Variants in THADA observed in about 807,000 individuals in gnomAD.
The protein encoded by THADA is tRNA (32-2'-O)-methyltransferase regulator THADA.
Under a neutral mutation model 219.8 loss-of-function variants are expected in THADA, and 213 were observed. The observed-to-expected ratio is 0.97, with a 90% CI of 0.87 to 1.09. THADA has a LOEUF of 1.09. THADA is among the 50% of genes least tolerant of loss of function. THADA has a pLI of 0.00. For missense variants in THADA, 2,956 were observed against 2,311.3 expected (o/e 1.28, Z -5.72); for synonymous variants, 1,018 against 828.9 (o/e 1.23, Z -3.92).
chr2:43,235,061 C>A (rs1276116139), intron 36 of THADA, among the ~76,000 whole-genome samples: 2 of 151,772 alleles, frequency 1.3e-5, no homozygotes, highest in Non-Finnish European at 2.9e-5. Context: ...CTCACTGCAA[C>A]CTCCACCTCC....
chr2:43,257,159 A>G (rs111831896), intron 36 of THADA, among the ~76,000 whole-genome samples: 240 of 152,340 alleles, frequency 1.6e-3, no homozygotes, highest in Middle Eastern at 6.8e-3. Context: ...GAAAACAGAC[A>G]TCAGAGTCCT....
At position 43,294,324 on chromosome 2, in the gene THADA, C is replaced by T. The variant is rs1213348683; in HGVS notation, c.4439-1111G>A. 2.0e-5 allele frequency among the ~76,000 whole-genome samples: 3 copies of T among 152,310 alleles called. No individual in the cohort carries two copies. In the East Asian group the frequency reaches 5.8e-4, roughly 29 times the overall value. On this transcript the variant is annotated intron_variant, in intron 31 of 37. Coordinates refer to ENST00000405975, the MANE Select transcript of THADA (RefSeq NM_022065.5). Reference sequence around the variant, plus strand: ...AGTTTGAGAAAGAGAAATGCATGAACACATAATTCCAATATAGTGGTACAA... The same window carrying T: ...AGTTTGAGAAAGAGAAATGCATGAATACATAATTCCAATATAGTGGTACAA...
At chr2:43,272,845 T>C (rs904627671) in intron 36 of THADA, among the ~76,000 whole-genome samples, 1 of 151,986 alleles carries the variant, frequency 6.6e-6, no homozygotes, top group Non-Finnish European at 1.5e-5. Context: ...AGGCTGGGTT[T>C]GAACTCCTGG....
chr2:43,299,108 T>C (rs1675945670), intron 31 of THADA, among the ~76,000 whole-genome samples: 1 of 152,100 alleles, frequency 6.6e-6, no homozygotes, highest in Non-Finnish European at 1.5e-5. Flanking sequence ...ATAAGGTATG[T>C]ATGAAACATA....
chr2:43,264,152 A>T (rs1323306990), intron 36 of THADA, among the ~76,000 whole-genome samples: 2 of 151,696 alleles, frequency 1.3e-5, no homozygotes, highest in African/African-American at 4.8e-5. Context: ...TTTTTTTTTT[A>T]AAGCCCATGG....
intron 29 of THADA, among the ~76,000 whole-genome samples, chr2:43,395,858 T>G (rs1344932049): frequency 6.6e-6 from 1 of 152,172 alleles, no homozygotes; most frequent in African/African-American, 2.4e-5. Context: ...TTCAAGCAAT[T>G]CTCGTGCCTC....
At chr2:43,291,659 A>T (rs1558528162) in intron 34 of THADA, 37 bp downstream of exon 34, 1 of 1,493,602 alleles carries the variant, frequency 6.7e-7, no homozygotes, top group Non-Finnish European at 9.0e-7. Flanking sequence ...AGAACAAAAA[A>T]TCCTAGGTCC....
intron 26 of THADA, among the ~76,000 whole-genome samples, chr2:43,432,349 T>C (rs1679467989): frequency 6.6e-6 from 1 of 152,218 alleles, no homozygotes; most frequent in Non-Finnish European, 1.5e-5. Flanking sequence ...AATTTATCCA[T>C]GTTATTCAAT....
chr2:43,395,694 T>G (rs1204843747), intron 29 of THADA, among the ~76,000 whole-genome samples: 9 of 152,258 alleles, frequency 5.9e-5, no homozygotes. Context: ...GATATCATTA[T>G]ATTGATAACT....
At position 43,292,251 on chromosome 2, in the gene THADA, A is replaced by T. The variant is rs1050820874; in HGVS notation, c.4819-29T>A. The T allele has an allele frequency of 2.9e-6, 4 of 1,397,678 alleles. No homozygotes were observed. In the African/African-American group the frequency reaches 5.7e-5, roughly 20 times the overall value. 86.6% of individuals were successfully genotyped at this position (1,397,678 alleles called of 1,614,324 possible). A position where few individuals can be genotyped will look rare whatever the true frequency, so the allele number is the denominator to read the frequency against. ...TGTAAGCCAAATCCGCACACAAAAA[A>T]GAGAAATAAATACTCAGGGAGATGT... is the stretch of plus-strand genomic sequence containing the variant. On this transcript the variant is annotated intron_variant, in intron 32 of 37. Coordinates refer to ENST00000405975, the MANE Select transcript of THADA (RefSeq NM_022065.5).
chr2:43,465,564 G>A (rs770345905), intron 26 of THADA, among the ~76,000 whole-genome samples: 1 of 152,178 alleles, frequency 6.6e-6, no homozygotes, highest in Non-Finnish European at 1.5e-5. Context: ...AATACTCACA[G>A]ATCTTGAAAA....
chr2:43,495,863 C>T (rs1364869491), intron 25 of THADA, among the ~76,000 whole-genome samples: 1 of 152,158 alleles, frequency 6.6e-6, no homozygotes, highest in African/African-American at 2.4e-5. Flanking sequence ...AAAGGCATTG[C>T]TCTACTTCCT....
At chr2:43,486,577 G>A (rs1167733285) in intron 25 of THADA, 1 of 152,188 alleles carries the variant, frequency 6.6e-6, no homozygotes, top group Non-Finnish European at 1.5e-5. Context: ...AGCAATATAA[G>A]TAGAAAGATC....
chr2:43,267,727 C>CACCA (rs139487479), intron 36 of THADA, among the ~76,000 whole-genome samples: 1,876 of 152,256 alleles, frequency 0.012, 34 homozygotes, highest in African/African-American at 0.043. Context: ...TTGAAAATGT[C>CACCA]AGAGCACCAA....
intron 26 of THADA, among the ~76,000 whole-genome samples, chr2:43,447,182 C>G (rs372007907): frequency 2.6e-5 from 4 of 152,038 alleles, no homozygotes; most frequent in African/African-American, 9.7e-5. Flanking sequence ...AAAACCATCA[C>G]CCCCCATGAT....
chr2:43,514,596 T>C (rs1690963958), intron 22 of THADA, among the ~76,000 whole-genome samples: 2 of 100,160 alleles, frequency 2.0e-5, no homozygotes, highest in African/African-American at 8.7e-5. Flanking sequence ...TATATATGTA[T>C]ATTTTATATA....
intron 8 of THADA, among the ~76,000 whole-genome samples, chr2:43,579,000 T>A (rs1034504693): frequency 6.6e-6 from 1 of 152,116 alleles, no homozygotes; most frequent in African/African-American, 2.4e-5. Flanking sequence ...CCCAGCTAAT[T>A]TTTGTATCTT....
intron 25 of THADA, among the ~76,000 whole-genome samples, chr2:43,495,387 G>A (rs949586427): frequency 6.6e-6 from 1 of 151,838 alleles, no homozygotes; most frequent in African/African-American, 2.4e-5. Flanking sequence ...AAATTAGAAA[G>A]AAAATAAAAA....
chr2:43,467,050 C>T (rs1023384669), intron 26 of THADA, among the ~76,000 whole-genome samples: 6 of 151,148 alleles, frequency 4.0e-5, no homozygotes, highest in South Asian at 2.1e-4. Flanking sequence ...GGCGTGGTAG[C>T]GGGCGCCTGT....
Sources: allele counts gnomAD v4.1 joint callset (sites outside exome capture counted in the v4.1 genomes callset), GRCh38; gene constraint gnomAD v4.1.1; transcripts MANE v1.5; gene names NCBI Gene and HGNC (gene_info 2026-07-23, HGNC 2026-07-21).